The following ERLIN1 variants were observed in gnomAD, a reference collection of about 807,000 sequenced individuals.
ERLIN1 encodes the protein ER lipid raft associated 1.
In ERLIN1, 24 loss-of-function variants were observed where a neutral mutation model predicts 46.9. The observed-to-expected ratio is 0.51, with a 90% CI of 0.37 to 0.72. ERLIN1 has a LOEUF of 0.72. ERLIN1 is among the 30% of genes least tolerant of loss of function. ERLIN1 has a pLI of 0.00. For missense variants in ERLIN1, 293 were observed against 417.9 expected (o/e 0.70, Z 2.61); for synonymous variants, 158 against 143.2 (o/e 1.10, Z -0.74).
intron 6 of ERLIN1, among the ~76,000 whole-genome samples, chr10:100,172,020 A>C (rs1472735689): frequency 1.3e-5 from 2 of 152,186 alleles, no homozygotes; most frequent in Non-Finnish European, 2.9e-5. Context: ...ATAAGCCCCC[A>C]AACAGGGCAT....
intron 7 of ERLIN1, 74 bp from the exon 8 acceptor site, chr10:100,164,169 C>T: frequency 1.1e-6 from 1 of 949,514 alleles, no homozygotes; most frequent in Middle Eastern, 2.1e-4. Context: ...TCTGACCCTA[C>T]AGTGAGTCAG....
At chr10:100,168,785 T>C (rs1270227368) in intron 6 of ERLIN1, among the ~76,000 whole-genome samples, 2 of 151,882 alleles carry the variant, frequency 1.3e-5, no homozygotes, top group Non-Finnish European at 2.9e-5. Context: ...GTTCAAGCGA[T>C]TCTTCTGCCT....
In ERLIN1 at chr10:100,185,562, T is replaced by C. The variant is rs924608704; in HGVS notation, c.65A>G (p.Tyr22Cys). 6.2e-7 allele frequency: 1 copy of C among 1,613,948 alleles called. No homozygotes were observed. The highest frequency in any genetic ancestry group is 8.5e-7 in the Non-Finnish European group (1 of 1,179,858). Residue 22 changes from tyrosine to cysteine, a missense_variant, in exon 1 of 11, where the codon TAC becomes TGC. Physicochemically the swap from Tyr to Cys is radical, Grantham distance 194. Coordinates refer to ENST00000421367, the MANE Select transcript of ERLIN1 (RefSeq NM_006459.4). ...AVVGLVAVLL[Y>C]ASIHKIEEGH... ...CTCCTCAATCTTGTGGATGGAGGCGTAGAGCAGGACAGCCACCAACCCCAC... is the reference window on the plus strand; with the variant it reads ...CTCCTCAATCTTGTGGATGGAGGCGCAGAGCAGGACAGCCACCAACCCCAC...
At chr10:100,160,529 T>C (rs1182379005) in intron 8 of ERLIN1, among the ~76,000 whole-genome samples, 2 of 152,214 alleles carry the variant, frequency 1.3e-5, no homozygotes, top group Admixed American at 6.5e-5. Flanking sequence ...CAGCAAACTA[T>C]ATAAAAATGT....
chr10:100,179,052 G>C, intron 3 of ERLIN1, 149 bp downstream of exon 3: 1 of 584,444 alleles, frequency 1.7e-6, no homozygotes, highest in Non-Finnish European at 3.0e-6. Flanking sequence ...CCTATTTGGA[G>C]ATAGGCCTTT....
intron 8 of ERLIN1, 126 bp downstream of exon 8, chr10:100,163,878 G>C (rs1318806704): frequency 1.6e-6 from 1 of 637,118 alleles, no homozygotes. Flanking sequence ...GTACAGTGGA[G>C]ATTCCAGAAT....
In ERLIN1 at chr10:100,164,868, TA is replaced by T. The variant is rs1050263340; in HGVS notation, c.564-774del. Reference sequence around the variant, plus strand: ...TATATGGGACATAAATAAAATACCTTAAAAAAAAAAAACTAACCACTATACC... The same window carrying T: ...TATATGGGACATAAATAAAATACCTTAAAAAAAAAAACTAACCACTATACC... On this transcript the variant is annotated intron_variant, in intron 7 of 10. Coordinates refer to ENST00000421367, the MANE Select transcript of ERLIN1 (RefSeq NM_006459.4). Among the ~76,000 whole-genome samples the T allele has an allele frequency of 2.2e-3, 309 of 143,558 alleles. 1 individual carries two copies. The highest frequency in any genetic ancestry group is 5.5e-3 in the African/African-American group (215 of 39,226). The allele number at this position is 143,558 out of a possible 152,430, so 94.2% of individuals were successfully genotyped here.
At chr10:100,177,831 A>T (rs1233435049) in intron 4 of ERLIN1, among the ~76,000 whole-genome samples, 1 of 152,226 alleles carries the variant, frequency 6.6e-6, no homozygotes, top group Non-Finnish European at 1.5e-5. Context: ...GATTTCTAAC[A>T]CCCAAGGAAA....
At chr10:100,176,283 C>T (rs1337093037) in intron 4 of ERLIN1, among the ~76,000 whole-genome samples, 2 of 152,152 alleles carry the variant, frequency 1.3e-5, no homozygotes, top group Non-Finnish European at 2.9e-5. Context: ...TGCCAAACAC[C>T]TGCTGGTTAG....
At chr10:100,154,578 T>G (rs1038598282) in intron 10 of ERLIN1, among the ~76,000 whole-genome samples, 15 of 152,198 alleles carry the variant, frequency 9.9e-5, no homozygotes, top group Non-Finnish European at 2.2e-4. Context: ...CAATTCTAAA[T>G]AGACTTTACT....
At chr10:100,153,324 C>T (rs1347038323) in intron 10 of ERLIN1, among the ~76,000 whole-genome samples, 1 of 152,162 alleles carries the variant, frequency 6.6e-6, no homozygotes, top group African/African-American at 2.4e-5. Context: ...AACTCGTCGA[C>T]CACCAGATCT....
intron 8 of ERLIN1, among the ~76,000 whole-genome samples, chr10:100,157,414 C>T (rs910550983): frequency 6.6e-6 from 1 of 152,158 alleles, no homozygotes; most frequent in African/African-American, 2.4e-5. Flanking sequence ...TGACCCAGGA[C>T]AAGGAAGAAA....
intron 10 of ERLIN1, among the ~76,000 whole-genome samples, chr10:100,152,569 G>C (rs536397170): frequency 3.3e-5 from 5 of 152,292 alleles, no homozygotes; most frequent in Admixed American, 6.5e-5. Flanking sequence ...TAATGCAAGA[G>C]AAGCTGTTCA....
At chr10:100,169,116 T>C (rs959333011) in intron 6 of ERLIN1, among the ~76,000 whole-genome samples, 1 of 152,188 alleles carries the variant, frequency 6.6e-6, no homozygotes, top group African/African-American at 2.4e-5. Flanking sequence ...ACAGATACCA[T>C]GAGTAAGTTG....
chr10:100,172,939 TTAAAAC>T (rs1844087023), intron 6 of ERLIN1, among the ~76,000 whole-genome samples: 1 of 152,152 alleles, frequency 6.6e-6, no homozygotes, highest in African/African-American at 2.4e-5. Context: ...TTCACTATCT[TTAAAAC>T]TAAAAAGCTA....
intron 5 of ERLIN1, 41 bp from the exon 6 acceptor site, chr10:100,174,322 A>G (rs1235946127): frequency 7.1e-7 from 1 of 1,398,940 alleles, no homozygotes; most frequent in Non-Finnish European, 9.9e-7. Context: ...ATGATAGTCA[A>G]TTTTTTTTAC....
chr10:100,156,349 T>C (rs1014171311), intron 8 of ERLIN1, 115 bp from the exon 9 acceptor site: 3 of 665,530 alleles, frequency 4.5e-6, no homozygotes, highest in Non-Finnish European at 8.1e-6. Context: ...TATGTGCTAA[T>C]TGTTTCACTA....
At chr10:100,183,272 T>C (rs1432532698) in intron 2 of ERLIN1, among the ~76,000 whole-genome samples, 2 of 152,184 alleles carry the variant, frequency 1.3e-5, no homozygotes, top group Admixed American at 6.5e-5. Flanking sequence ...CATCAAAATA[T>C]AACATTCACT....
chr10:100,185,654 A>T lies in ERLIN1; in HGVS notation c.-28T>A. 1.9e-6 allele frequency: 3 copies of T among 1,574,314 alleles called. No individual in the cohort carries two copies. Among genetic ancestry groups the T allele is most frequent in the Non-Finnish European group, 1.7e-6 (2 of 1,143,926 alleles). On this transcript the variant is annotated 5_prime_UTR_variant, in exon 1 of 11. Coordinates refer to ENST00000421367, the MANE Select transcript of ERLIN1 (RefSeq NM_006459.4). ...TCGTTCCTCCTGGGAGCGGGAGAAA[A>T]GGACCCTCAGTCCCGTGAGTGACAG...
Sources: gnomAD v4.1 joint callset for allele counts (sites outside exome capture counted in the v4.1 genomes callset) on GRCh38, gnomAD v4.1.1 for gene constraint, MANE v1.5 for transcripts, NCBI Gene and HGNC (gene_info 2026-07-23, HGNC 2026-07-21) for gene names.